PDZRN3: variants seen among roughly 807,000 people sequenced by gnomAD.
PDZRN3 encodes the protein E3 ubiquitin-protein ligase PDZRN3.
Under a neutral mutation model 85.7 loss-of-function variants are expected in PDZRN3, and 38 were observed. The observed-to-expected ratio is 0.44, with a 90% CI of 0.34 to 0.58. PDZRN3 has a LOEUF of 0.58. Among genes scored for constraint, PDZRN3 ranks in the 20% least tolerant of loss-of-function variants. The pLI is 0.01. For synonymous variants in PDZRN3, 759 were observed against 638.0 expected (o/e 1.19, Z -2.86); for missense variants, 1,629 against 1,506.4 (o/e 1.08, Z -1.35).
At chr3:73,432,490 T>C (rs1702452208) in intron 3 of PDZRN3, among the ~76,000 whole-genome samples, 1 of 152,218 alleles carries the variant, frequency 6.6e-6, no homozygotes, top group South Asian at 2.1e-4. Context: ...TGACCCTCTC[T>C]CTGTCTCAGT....
At chr3:73,403,881 G>A (rs1196646328) in intron 4 of PDZRN3, among the ~76,000 whole-genome samples, 3 of 152,140 alleles carry the variant, frequency 2.0e-5, no homozygotes, top group Non-Finnish European at 4.4e-5. Flanking sequence ...ATTTTATTCT[G>A]AAACAACTTT....
intron 3 of PDZRN3, among the ~76,000 whole-genome samples, chr3:73,476,490 C>A (rs1575679204): frequency 6.6e-6 from 1 of 152,242 alleles, no homozygotes; most frequent in South Asian, 2.1e-4. Context: ...GTTTACAATT[C>A]AACATGAGAT....
intron 3 of PDZRN3, among the ~76,000 whole-genome samples, chr3:73,472,255 G>T (rs1366546946): frequency 6.6e-6 from 1 of 152,142 alleles, no homozygotes; most frequent in Admixed American, 6.5e-5. Flanking sequence ...TGCCCATAGG[G>T]GCTCACCCAC....
chr3:73,451,364 G>A (rs1407270019), intron 3 of PDZRN3, among the ~76,000 whole-genome samples: 1 of 152,168 alleles, frequency 6.6e-6, no homozygotes, highest in African/African-American at 2.4e-5. Context: ...AGGATGAGGA[G>A]GAAAGTCTTT....
At chr3:73,504,163 C>A (rs1010149861) in intron 3 of PDZRN3, among the ~76,000 whole-genome samples, 4 of 152,148 alleles carry the variant, frequency 2.6e-5, no homozygotes, top group African/African-American at 9.7e-5. Flanking sequence ...CCTGATGTAC[C>A]TCATTCTCAC....
At chr3:73,576,790 G>T (rs1419848678) in intron 3 of PDZRN3, among the ~76,000 whole-genome samples, 5 of 152,172 alleles carry the variant, frequency 3.3e-5, no homozygotes, top group Admixed American at 1.3e-4. Context: ...TCTTGTTGGT[G>T]TGTGTTACTA....
chr3:73,615,517 G>T (rs1702748392), intron 1 of PDZRN3, among the ~76,000 whole-genome samples: 1 of 152,142 alleles, frequency 6.6e-6, no homozygotes, highest in Admixed American at 6.5e-5. Flanking sequence ...GGGCCTTTGG[G>T]ACGTGATTAG....
chr3:73,585,583 A>G (rs1244316557), intron 3 of PDZRN3, among the ~76,000 whole-genome samples: 1 of 152,178 alleles, frequency 6.6e-6, no homozygotes, highest in East Asian at 1.9e-4. Flanking sequence ...AAACCCTCAG[A>G]AAGTTCCACT....
At chr3:73,430,223 C>G (rs147489004) in intron 3 of PDZRN3, among the ~76,000 whole-genome samples, 2 of 152,288 alleles carry the variant, frequency 1.3e-5, no homozygotes, top group East Asian at 3.9e-4. Flanking sequence ...GGAAAGTGCA[C>G]AGCTGACACT....
At chr3:73,602,114 C>T (rs1702524158) in intron 3 of PDZRN3, among the ~76,000 whole-genome samples, 1 of 152,120 alleles carries the variant, frequency 6.6e-6, no homozygotes, top group Non-Finnish European at 1.5e-5. Flanking sequence ...GATTGAGGTC[C>T]ACATGAAAAA....
chr3:73,564,412 G>C (rs1277686314), intron 3 of PDZRN3, among the ~76,000 whole-genome samples: 2 of 152,148 alleles, frequency 1.3e-5, no homozygotes, highest in Non-Finnish European at 2.9e-5. Context: ...GGGAGGGCCA[G>C]GATCTCAACC....
Position 73,384,316 on chromosome 3 carries a change from G to A in PDZRN3, c.2250C>T (p.Ser750=), listed in dbSNP as rs762474384. The A allele has an allele frequency of 5.6e-6, 9 of 1,611,998 alleles. No homozygotes were observed. The Admixed American group carries it at 8.3e-5, about 15-fold the overall frequency. ...LSDITELPEK[S]DKDSSSAYNT... The stretch of plus-strand genomic sequence containing the variant: ...TGTAGGCGCTCGAGCTGTCCTTGTC[G>A]GATTTCTCCGGGAGCTCGGTGATAT... The change falls in exon 10 of 10, where the codon TCC becomes TCT. Residue 750 remains serine (S), a synonymous_variant. Transcript: ENST00000263666.
intron 3 of PDZRN3, among the ~76,000 whole-genome samples, chr3:73,548,487 C>T (rs1414525787): frequency 1.3e-5 from 2 of 152,202 alleles, no homozygotes; most frequent in African/African-American, 4.8e-5. Flanking sequence ...TTTTGAAGCA[C>T]ACACCCTGGA....
At chr3:73,502,110 C>T (rs1462121287) in intron 3 of PDZRN3, among the ~76,000 whole-genome samples, 1 of 152,080 alleles carries the variant, frequency 6.6e-6, no homozygotes, top group African/African-American at 2.4e-5. Context: ...CAAATGCAAC[C>T]GTTTTCTTAG....
chr3:73,564,725 C>G (rs974992419), intron 3 of PDZRN3, among the ~76,000 whole-genome samples: 1 of 152,188 alleles, frequency 6.6e-6, no homozygotes, highest in East Asian at 1.9e-4. Context: ...TAATTTAGAA[C>G]TCAGGCTCTG....
intron 3 of PDZRN3, among the ~76,000 whole-genome samples, chr3:73,467,260 T>A (rs1703238890): frequency 6.6e-6 from 1 of 152,194 alleles, no homozygotes; most frequent in African/African-American, 2.4e-5. Context: ...TGCCTTTTGA[T>A]ACCACCTGGT....
At chr3:73,499,861 C>G (rs1269767141) in intron 3 of PDZRN3, among the ~76,000 whole-genome samples, 3 of 152,126 alleles carry the variant, frequency 2.0e-5, no homozygotes, top group African/African-American at 7.2e-5. Context: ...ATGAAAGTAC[C>G]TACCTCTACA....
intron 3 of PDZRN3, among the ~76,000 whole-genome samples, chr3:73,550,255 C>A (rs747182724): frequency 1.3e-5 from 2 of 152,196 alleles, no homozygotes; most frequent in Non-Finnish European, 2.9e-5. Context: ...CTCAACCCCC[C>A]AGACCTAATG....
At chr3:73,437,216 T>A (rs982516805) in intron 3 of PDZRN3, among the ~76,000 whole-genome samples, 3 of 152,174 alleles carry the variant, frequency 2.0e-5, no homozygotes, top group Non-Finnish European at 2.9e-5. Flanking sequence ...ATAACATTTT[T>A]ATGAAATGAC....
Sources: gnomAD v4.1 joint callset for allele counts (sites outside exome capture counted in the v4.1 genomes callset) on GRCh38, gnomAD v4.1.1 for gene constraint, MANE v1.5 for transcripts, NCBI Gene and HGNC (gene_info 2026-07-23, HGNC 2026-07-21) for gene names.